Variants in PPFIA2 observed in about 807,000 individuals in gnomAD.
The protein encoded by PPFIA2 is PPFI scaffold protein A2, also known as liprin-alpha-2.
Under a neutral mutation model 175.5 loss-of-function variants are expected in PPFIA2, and 46 were observed. The observed-to-expected ratio is 0.26, with a 90% CI of 0.21 to 0.34. PPFIA2 has a LOEUF of 0.34. Ranked by LOEUF, PPFIA2 falls within the 10% of genes least tolerant of loss-of-function variation. The pLI, the probability that PPFIA2 is intolerant of heterozygous loss-of-function variation, is 1.00. For synonymous variants in PPFIA2, 568 were observed against 511.4 expected (o/e 1.11, Z -1.49); for missense variants, 1,179 against 1,506.1 (o/e 0.78, Z 3.60).
intron 8 of PPFIA2, among the ~76,000 whole-genome samples, chr12:81,398,476 TCA>T (rs59745372): frequency 0.029 from 4,357 of 152,178 alleles, 198 homozygotes; most frequent in African/African-American, 0.099. Flanking sequence ...CCTCCATAGT[TCA>T]CATTTATTCT....
At chr12:81,688,633 A>T (rs1202394203) in intron 3 of PPFIA2, among the ~76,000 whole-genome samples, 1 of 150,870 alleles carries the variant, frequency 6.6e-6, no homozygotes, top group African/African-American at 2.4e-5. Flanking sequence ...AGCCTATCGG[A>T]AGTGATTTTT....
intron 3 of PPFIA2, among the ~76,000 whole-genome samples, chr12:81,682,020 TATA>T (rs2073732376): frequency 6.6e-6 from 1 of 152,088 alleles, no homozygotes; most frequent in Non-Finnish European, 1.5e-5. Flanking sequence ...CTTAAAACAT[TATA>T]ATAATTGTCA....
intron 4 of PPFIA2, among the ~76,000 whole-genome samples, chr12:81,475,688 G>T (rs1772319932): frequency 1.3e-5 from 2 of 152,086 alleles, no homozygotes; most frequent in Non-Finnish European, 2.9e-5. Context: ...AGTTGAAAGG[G>T]TTAAAAATGT....
chr12:81,691,387 C>T (rs962469282), intron 3 of PPFIA2, among the ~76,000 whole-genome samples: 5 of 152,044 alleles, frequency 3.3e-5, no homozygotes, highest in Non-Finnish European at 2.9e-5. Flanking sequence ...TATGTTGATT[C>T]GAGAAAAATA....
intron 3 of PPFIA2, among the ~76,000 whole-genome samples, chr12:81,686,795 T>C (rs932590973): frequency 2.0e-5 from 3 of 152,116 alleles, no homozygotes; most frequent in African/African-American, 7.2e-5. Context: ...CTTGTAAATA[T>C]CTGCTTAGTT....
At chr12:81,545,603 C>G (rs893130932) in intron 4 of PPFIA2, 6 of 153,006 alleles carry the variant, frequency 3.9e-5, no homozygotes, top group African/African-American at 1.4e-4. Flanking sequence ...AGAAGTTGCA[C>G]CATGGCTAGA....
intron 2 of PPFIA2, among the ~76,000 whole-genome samples, chr12:81,756,515 T>G (rs1445569772): frequency 6.6e-6 from 1 of 152,070 alleles, no homozygotes; most frequent in Non-Finnish European, 1.5e-5. Flanking sequence ...GATGCTATGA[T>G]GAAAAGTGGC....
intron 3 of PPFIA2, among the ~76,000 whole-genome samples, chr12:81,724,612 C>T (rs10746200): frequency 0.67 from 101,512 of 150,704 alleles, 36,725 homozygotes; most frequent in Middle Eastern, 0.81. Context: ...TAATTTAAGA[C>T]AATGGCCTCC....
chr12:81,439,797 T>C (rs2049825218), intron 7 of PPFIA2, 175 bp downstream of exon 7: 3 of 599,206 alleles, frequency 5.0e-6, no homozygotes, highest in East Asian at 6.5e-5. Context: ...CACATATAAA[T>C]AACCAAAAAT....
At chr12:81,629,983 A>G (rs1221505167) in intron 4 of PPFIA2, among the ~76,000 whole-genome samples, 1 of 152,200 alleles carries the variant, frequency 6.6e-6, no homozygotes, top group East Asian at 1.9e-4. Flanking sequence ...TGCAATCACA[A>G]AGTTTCTTAT....
intron 4 of PPFIA2, among the ~76,000 whole-genome samples, chr12:81,532,540 TAGAAAATGCA>T (rs1346309407): frequency 3.3e-5 from 5 of 151,766 alleles, no homozygotes; most frequent in African/African-American, 1.2e-4. Flanking sequence ...AGGCTCTGGG[TAGAAAATGCA>T]AAGAACCACT....
At chr12:81,671,827 C>T (rs1596264764) in intron 4 of PPFIA2, among the ~76,000 whole-genome samples, 1 of 151,980 alleles carries the variant, frequency 6.6e-6, no homozygotes, top group East Asian at 1.9e-4. Flanking sequence ...CATCACTTGG[C>T]GAACTTCAAT....
chr12:81,527,062 T>C (rs2063813010), intron 4 of PPFIA2, among the ~76,000 whole-genome samples: 1 of 152,178 alleles, frequency 6.6e-6, no homozygotes, highest in South Asian at 2.1e-4. Context: ...GGATTAATTT[T>C]GCAAAATCCA....
chr12:81,374,831 G>A (rs2035990230), intron 10 of PPFIA2, 63 bp from the exon 11 acceptor site: 5 of 1,469,446 alleles, frequency 3.4e-6, no homozygotes, highest in Non-Finnish European at 4.6e-6. Flanking sequence ...AACACCAGTC[G>A]CCAGGGGCTT....
At chr12:81,534,010 T>G (rs2065025309) in intron 4 of PPFIA2, among the ~76,000 whole-genome samples, 2 of 151,734 alleles carry the variant, frequency 1.3e-5, no homozygotes, top group South Asian at 4.1e-4. Context: ...ATCCTGTCAT[T>G]TACAGCAACA....
chr12:81,717,068 G>T (rs1354126095), intron 3 of PPFIA2, among the ~76,000 whole-genome samples: 1 of 151,664 alleles, frequency 6.6e-6, no homozygotes, highest in East Asian at 1.9e-4. Context: ...AGTTTAATCT[G>T]GGGTCAGCAA....
intron 23 of PPFIA2, chr12:81,297,976 A>G (rs1476433035): frequency 1.3e-5 from 2 of 152,234 alleles, no homozygotes; most frequent in African/African-American, 4.8e-5. Flanking sequence ...TACTCAGAAT[A>G]GGTTTAATTA....
chr12:81,281,170 G>C, intron 27 of PPFIA2, 87 bp downstream of exon 27: 1 of 997,182 alleles, frequency 1.0e-6, no homozygotes, highest in Non-Finnish European at 1.4e-6. Flanking sequence ...CTGTCTTCTA[G>C]ACGTCCATTT....
chr12:81,614,092 T>TA (rs1302600983), intron 4 of PPFIA2, among the ~76,000 whole-genome samples: 1 of 152,080 alleles, frequency 6.6e-6, no homozygotes, highest in Non-Finnish European at 1.5e-5. Flanking sequence ...TAGATTGTTT[T>TA]AAAAAAAGAT....
Sources: allele counts gnomAD v4.1 joint callset (sites outside exome capture counted in the v4.1 genomes callset), GRCh38; gene constraint gnomAD v4.1.1; transcripts MANE v1.5; gene names NCBI Gene and HGNC (gene_info 2026-07-23, HGNC 2026-07-21).